PKHD1: variants seen among roughly 807,000 people sequenced by gnomAD.
The protein encoded by PKHD1 is PKHD1 ciliary IPT domain containing fibrocystin/polyductin.
In PKHD1, 291 loss-of-function variants were observed where a neutral mutation model predicts 412.0. The ratio of observed to expected loss-of-function variants is 0.71; its 90% CI spans 0.64 to 0.78. The LOEUF is 0.78. PKHD1 is among the 30% of genes least tolerant of loss of function. The pLI, the probability that PKHD1 is intolerant of heterozygous loss-of-function variation, is 0.00. For synonymous variants in PKHD1, 1,777 were observed against 1,821.5 expected (o/e 0.98, Z 0.62); for missense variants, 4,825 against 4,950.7 (o/e 0.97, Z 0.76).
intron 53 of PKHD1, among the ~76,000 whole-genome samples, chr6:51,787,362 G>GAAA (rs568684500): frequency 0.25 from 32,929 of 133,524 alleles, 4,385 homozygotes; most frequent in African/African-American, 0.37. Flanking sequence ...TCCATCTCAA[G>GAAA]AAAAAAAAAA....
chr6:52,025,291 G>A lies in PKHD1; in HGVS notation c.4519C>T (p.Gln1507Ter), dbSNP rs780650959. 1 of 1,613,978 alleles carries A rather than the reference G, an allele frequency of 6.2e-7. No homozygotes were observed. Among genetic ancestry groups the A allele is most frequent in the Non-Finnish European group, 8.5e-7 (1 of 1,180,020 alleles). ...TCATCAGCTGTGGTGGCTAACCTCT[G>A]ACCCCTAATCAGCACAGTGGTCAGA... ...GSLTTVLIRG[Q>*]RLATTADEPM... The change falls in exon 32 of 67, where the codon CAG becomes TAG. Residue 1507 changes from glutamine (Q) to a stop codon, truncating the protein, a stop_gained. Transcript: ENST00000371117. LOFTEE classifies it high-confidence loss of function.
At chr6:51,719,441 A>G (rs1010536302) in intron 60 of PKHD1, among the ~76,000 whole-genome samples, 2 of 152,154 alleles carry the variant, frequency 1.3e-5, no homozygotes, top group Non-Finnish European at 2.9e-5. Context: ...TATACTGTGC[A>G]TTGTAGGATG....
chr6:51,654,905 C>CT (rs537324044), intron 61 of PKHD1, among the ~76,000 whole-genome samples: 2 of 152,100 alleles, frequency 1.3e-5, no homozygotes, highest in Admixed American at 6.6e-5. Context: ...CAATCTTTGT[C>CT]TTTTTTTAAC....
intron 53 of PKHD1, among the ~76,000 whole-genome samples, chr6:51,789,733 C>G (rs971366841): frequency 6.6e-6 from 1 of 152,026 alleles, no homozygotes; most frequent in African/African-American, 2.4e-5. Context: ...GTACCATAGA[C>G]TAAAAAGAAA....
intron 60 of PKHD1, chr6:51,721,431 A>G (rs1159701392): frequency 3.3e-6 from 2 of 610,570 alleles, no homozygotes; most frequent in African/African-American, 2.0e-5. Context: ...ATATCTCAAT[A>G]TAATTGGTAA....
chr6:51,922,260 T>C (rs1233449977), intron 37 of PKHD1, among the ~76,000 whole-genome samples: 1 of 152,250 alleles, frequency 6.6e-6, no homozygotes. Context: ...CAGCAGAGGC[T>C]GAAGAACAGC....
intron 14 of PKHD1, among the ~76,000 whole-genome samples, chr6:52,061,653 T>G (rs559561916): frequency 1.3e-5 from 2 of 151,922 alleles, no homozygotes; most frequent in East Asian, 2.0e-4. Flanking sequence ...AATTGCGGTT[T>G]TTGCCATTAC....
intron 35 of PKHD1, among the ~76,000 whole-genome samples, chr6:51,962,043 G>A (rs551919666): frequency 5.3e-4 from 81 of 152,224 alleles, no homozygotes; most frequent in African/African-American, 1.8e-3. Flanking sequence ...GGCTGGAGGA[G>A]AAGGAGATAT....
At chr6:51,934,819 T>G (rs898845524) in intron 36 of PKHD1, among the ~76,000 whole-genome samples, 6 of 152,220 alleles carry the variant, frequency 3.9e-5, no homozygotes, top group Non-Finnish European at 4.4e-5. Flanking sequence ...CAGACCCTAA[T>G]TTCCTTGAGG....
intron 26 of PKHD1, 50 bp downstream of exon 26, chr6:52,043,575 C>T (rs1805279325): frequency 1.5e-6 from 2 of 1,318,586 alleles, no homozygotes; most frequent in South Asian, 2.4e-5. Context: ...AACAAAATCA[C>T]TGCAAGTCTC....
At chr6:51,664,428 G>A (rs1773382270) in intron 60 of PKHD1, among the ~76,000 whole-genome samples, 3 of 152,202 alleles carry the variant, frequency 2.0e-5, no homozygotes, top group Admixed American at 2.0e-4. Context: ...TGCACACCCT[G>A]GAGAGTTTAG....
chr6:51,855,153 G>A (rs1195609611), intron 49 of PKHD1, among the ~76,000 whole-genome samples: 1 of 152,194 alleles, frequency 6.6e-6, no homozygotes, highest in Admixed American at 6.5e-5. Flanking sequence ...TTGGCTGTGG[G>A]GAACGGAGTT....
At chr6:51,974,049 C>A (rs565147711) in intron 35 of PKHD1, among the ~76,000 whole-genome samples, 1 of 152,064 alleles carries the variant, frequency 6.6e-6, no homozygotes, top group Non-Finnish European at 1.5e-5. Flanking sequence ...ACTATTCATC[C>A]CAGTACGGGT....
rs544373877 is a variant in PKHD1, at chr6:51,933,706, C to T, written c.6121+404G>A. On this transcript the variant is annotated intron_variant, in intron 37 of 66. Transcript: ENST00000371117. Reference sequence around the variant, plus strand: ...CTATTCTCAAGTGGCAGGAAGAAAACGAAATGGCTAAAGCATCGTAACAGG... The same window carrying T: ...CTATTCTCAAGTGGCAGGAAGAAAATGAAATGGCTAAAGCATCGTAACAGG... 5.3e-5 allele frequency among the ~76,000 whole-genome samples: 8 copies of T among 152,316 alleles called. No individual in the cohort carries two copies. The East Asian group carries it at 1.5e-3, about 29-fold the overall frequency.
At chr6:51,822,107 C>T (rs964682509) in intron 52 of PKHD1, among the ~76,000 whole-genome samples, 6 of 152,108 alleles carry the variant, frequency 3.9e-5, no homozygotes, top group African/African-American at 7.2e-5. Context: ...TTTAGAACAC[C>T]GGGCAGTACT....
chr6:51,970,414 G>A (rs887499208), intron 35 of PKHD1, among the ~76,000 whole-genome samples: 5 of 152,126 alleles, frequency 3.3e-5, no homozygotes, highest in African/African-American at 9.7e-5. Context: ...TGTTCATTAT[G>A]TTGATTACTT....
In PKHD1 at chr6:51,677,137, T is replaced by C. The variant is rs140899781; in HGVS notation, c.10157-17168A>G. Among the ~76,000 whole-genome samples, 15 of 152,294 alleles carry C rather than the reference T, an allele frequency of 9.8e-5. No individual in the cohort carries two copies. In the East Asian group the frequency reaches 2.3e-3, roughly 24 times the overall value. ...ACCAAACTAAGTACAATTATAATAG[T>C]TATTATTACAAGTAATATGAGAAAC... On this transcript the variant is annotated intron_variant, in intron 60 of 66. Transcript: ENST00000371117.
chr6:51,706,571 AG>A (rs1554201054), intron 60 of PKHD1, among the ~76,000 whole-genome samples: 1 of 151,958 alleles, frequency 6.6e-6, no homozygotes, highest in Non-Finnish European at 1.5e-5. Flanking sequence ...CAAGTGGAAG[AG>A]GGGTCAGTAA....
chr6:51,751,799 G>A (rs1786160155), intron 57 of PKHD1, among the ~76,000 whole-genome samples: 1 of 152,142 alleles, frequency 6.6e-6, no homozygotes, highest in Admixed American at 6.5e-5. Context: ...TTGTACTATA[G>A]ACTCTATTTC....
Sources: gnomAD v4.1 joint callset for allele counts (sites outside exome capture counted in the v4.1 genomes callset) on GRCh38, gnomAD v4.1.1 for gene constraint, MANE v1.5 for transcripts, NCBI Gene and HGNC (gene_info 2026-07-23, HGNC 2026-07-21) for gene names.